The following VLDLR variants were observed in gnomAD, a reference collection of about 807,000 sequenced individuals.
The protein encoded by VLDLR is very low density lipoprotein receptor.
In VLDLR, 81 loss-of-function variants were observed where a neutral mutation model predicts 112.7. That is an observed-to-expected ratio of 0.72 (90% confidence interval 0.60 to 0.86). The LOEUF (loss-of-function observed/expected upper bound fraction) is 0.86, where lower values mean the gene tolerates loss of function less well. Ranked by LOEUF, VLDLR falls within the 40% of genes least tolerant of loss-of-function variation. The pLI is 0.00. For missense variants in VLDLR, 1,237 were observed against 1,099.4 expected (o/e 1.13, Z -1.77); for synonymous variants, 436 against 384.8 (o/e 1.13, Z -1.56).
rs928862689 is a variant in VLDLR at position 2,643,609 on chromosome 9, G to A, written c.821-19G>A. On this transcript the variant is annotated intron_variant, in intron 5 of 18. Transcript: ENST00000382100. ...GACAATTTGCTGGCTTCATTCCATG[G>A]TGTTTCCTCCCTTTGTAGCCTCTCG... The A allele has an allele frequency of 3.1e-6, 5 of 1,614,054 alleles. No individual in the cohort carries two copies. Among genetic ancestry groups the A allele is most frequent in the Admixed American group, 3.3e-5 (2 of 60,004 alleles).
intron 1 of VLDLR, among the ~76,000 whole-genome samples, chr9:2,624,402 G>T (rs1177143785): frequency 6.6e-6 from 1 of 152,172 alleles, no homozygotes; most frequent in Non-Finnish European, 1.5e-5. Flanking sequence ...ACATGGTGCT[G>T]TTCCACAATA....
chr9:2,652,584 G>A (rs747353698), intron 17 of VLDLR, among the ~76,000 whole-genome samples, 196 bp from the exon 18 acceptor site: 49 of 152,300 alleles, frequency 3.2e-4, no homozygotes, highest in Admixed American at 1.4e-3. Context: ...TCCAGCTCCA[G>A]TGCACAGAGC....
chr9:2,638,500 T>G (rs987780176), intron 2 of VLDLR, among the ~76,000 whole-genome samples: 3 of 152,102 alleles, frequency 2.0e-5, no homozygotes, highest in African/African-American at 7.3e-5. Context: ...AGAAATTGGG[T>G]AGAAGGTATA....
Position 2,622,134 on chromosome 9 carries a change from C to G in VLDLR, c.-56C>G, listed in dbSNP as rs34881325. 1 of 1,445,430 alleles carries G rather than the reference C, an allele frequency of 6.9e-7. No individual in the cohort carries two copies. The highest frequency in any genetic ancestry group is 1.3e-5 in the South Asian group (1 of 74,566). The allele number at this position is 1,445,430 out of a possible 1,614,324, so 89.5% of individuals were successfully genotyped here. A position where few individuals can be genotyped will look rare whatever the true frequency, so the allele number is the denominator to read the frequency against. ...CCTTTCGGAAGGACTGGTAACTTGT[C>G]GTGCGGAGCGAACGGCGGCGGCGGC... On this transcript the variant is annotated 5_prime_UTR_variant, in exon 1 of 19. Coordinates refer to ENST00000382100, the MANE Select transcript of VLDLR (RefSeq NM_003383.5).
rs141757226 is a variant in VLDLR at position 2,645,735 on chromosome 9, G to A, written c.1474G>A (p.Ala492Thr). 57 of 1,614,134 alleles carry A rather than the reference G, an allele frequency of 3.5e-5. No individual in the cohort carries two copies. In the African/African-American group the frequency reaches 6.9e-4, roughly 20 times the overall value. The change falls in exon 10 of 19, where the codon GCT becomes ACT. Residue 492 changes from alanine (A) to threonine (T), a missense_variant. Coordinates refer to ENST00000382100, the MANE Select transcript of VLDLR (RefSeq NM_003383.5). ...ATTCTGGGCCGATCTAAGCCAAAAGGCTATCTTCAGGTAACTTTCAGTTCC... is the reference window on the plus strand; with the variant it reads ...ATTCTGGGCCGATCTAAGCCAAAAGACTATCTTCAGGTAACTTTCAGTTCC... ...KLFWADLSQK[A>T]IFSASIDDKV...
chr9:2,630,784 A>G (rs1247045817), intron 1 of VLDLR, among the ~76,000 whole-genome samples: 1 of 152,196 alleles, frequency 6.6e-6, no homozygotes, highest in Non-Finnish European at 1.5e-5. Context: ...AATTTATGAA[A>G]GAGACCTCAA....
chr9:2,639,917 C>A lies in VLDLR; in HGVS notation c.261C>A (p.Ser87Arg). 1.2e-6 allele frequency: 2 copies of A among 1,614,172 alleles called. No homozygotes were observed. Among genetic ancestry groups the A allele is most frequent in the South Asian group, 2.2e-5 (2 of 91,088 alleles). ...FVCNNGQCVP[S>R]RWKCDGDPDC... ...GCAACAATGGCCAGTGTGTTCCCAG[C>A]CGATGGAAGTGTGATGGAGATCCTG... Residue 87 changes from serine to arginine, a missense_variant, in exon 3 of 19, where the codon AGC becomes AGA. Coordinates refer to ENST00000382100, the MANE Select transcript of VLDLR (RefSeq NM_003383.5).
chr9:2,650,387 G>C lies in VLDLR; in HGVS notation c.2122G>C (p.Glu708Gln), dbSNP rs910038811. The change falls in exon 15 of 19, where the codon GAA becomes CAA. Residue 708 changes from glutamate (E) to glutamine (Q), a missense_variant. Transcript: ENST00000382100. ...VQPSGKNWCEEDMENGGCEYL... is the reference protein window; with the variant it reads ...VQPSGKNWCEQDMENGGCEYL... Reference sequence around the variant, plus strand: ...CTGACTAGGTAAAAATTGGTGTGAAGAAGACATGGAGAATGGAGGATGTGA... The same window carrying C: ...CTGACTAGGTAAAAATTGGTGTGAACAAGACATGGAGAATGGAGGATGTGA... 3.1e-6 allele frequency: 5 copies of C among 1,613,920 alleles called. No individual in the cohort carries two copies. Among genetic ancestry groups the C allele is most frequent in the Non-Finnish European group, 4.2e-6 (5 of 1,180,012 alleles).
At position 2,634,608 on chromosome 9, in the gene VLDLR, T is replaced by C. The variant is rs564522107; in HGVS notation, c.83-845T>C. On this transcript the variant is annotated intron_variant, in intron 1 of 18. Coordinates refer to ENST00000382100, the MANE Select transcript of VLDLR (RefSeq NM_003383.5). ...CACCATTGTGTGAATTAAATATCCA[T>C]ACATTAAGCATAGAAAACCAGATTC... 3.3e-5 allele frequency among the ~76,000 whole-genome samples: 5 copies of C among 152,304 alleles called. No homozygotes were observed. The East Asian group carries it at 9.7e-4, about 29-fold the overall frequency.
At chr9:2,624,567 T>G (rs1343376177) in intron 1 of VLDLR, among the ~76,000 whole-genome samples, 1 of 152,226 alleles carries the variant, frequency 6.6e-6, no homozygotes, top group Non-Finnish European at 1.5e-5. Context: ...ATATATTCTT[T>G]AAGGCCAGAG....
chr9:2,629,489 A>G (rs1027331923), intron 1 of VLDLR, among the ~76,000 whole-genome samples: 1 of 152,242 alleles, frequency 6.6e-6, no homozygotes, highest in Non-Finnish European at 1.5e-5. Flanking sequence ...GCCCAGGGCA[A>G]TCTGGGACAA....
In VLDLR at chr9:2,625,440, A is replaced by C. The variant is rs531738022; in HGVS notation, c.82+3169A>C. ...AATGTAAATTTGTTCTTTTCAGTGC[A>C]GGGAAAAGTGTTTAAGACAAGGCAG... On this transcript the variant is annotated intron_variant, in intron 1 of 18. Coordinates refer to ENST00000382100, the MANE Select transcript of VLDLR (RefSeq NM_003383.5). Among the ~76,000 whole-genome samples the C allele has an allele frequency of 5.3e-5, 8 of 152,372 alleles. No individual in the cohort carries two copies. In the East Asian group the frequency reaches 1.3e-3, roughly 26 times the overall value.
chr9:2,656,552 A>G lies in VLDLR; in HGVS notation c.*2684A>G, dbSNP rs1365776090. 6.6e-6 allele frequency: 1 copy of G among 152,172 alleles called. No homozygotes were observed. The highest frequency in any genetic ancestry group is 1.5e-5 in the Non-Finnish European group (1 of 68,036). 9.4% of individuals were successfully genotyped at this position (152,172 alleles called of 1,614,324 possible). On this transcript the variant is annotated 3_prime_UTR_variant, in exon 19 of 19. Coordinates refer to ENST00000382100, the MANE Select transcript of VLDLR (RefSeq NM_003383.5). ...CCTCGGCTTTATCACCCAAAAAATAACTTGAATTCTATGTGAAATGTGTTA... is the reference window on the plus strand; with the variant it reads ...CCTCGGCTTTATCACCCAAAAAATAGCTTGAATTCTATGTGAAATGTGTTA...
At chr9:2,624,920 G>A (rs1168612200) in intron 1 of VLDLR, among the ~76,000 whole-genome samples, 2 of 152,182 alleles carry the variant, frequency 1.3e-5, no homozygotes, top group African/African-American at 2.4e-5. Flanking sequence ...ACTTTATGTG[G>A]CATTTACCTA....
intron 1 of VLDLR, among the ~76,000 whole-genome samples, chr9:2,628,705 C>G (rs961796470): frequency 2.0e-5 from 3 of 152,078 alleles, no homozygotes; most frequent in Non-Finnish European, 4.4e-5. Context: ...AGAATTTGGG[C>G]TCATTTCTGG....
Position 2,654,079 on chromosome 9 carries a change from T to G in VLDLR, c.*211T>G, listed in dbSNP as rs922954322. The G allele has an allele frequency of 1.9e-5, 11 of 565,066 alleles. No homozygotes were observed. Among genetic ancestry groups the G allele is most frequent in the African/African-American group, 1.9e-4 (10 of 52,920 alleles). The allele number at this position is 565,066 out of a possible 1,614,324, so 35.0% of individuals were successfully genotyped here. On this transcript the variant is annotated 3_prime_UTR_variant, in exon 19 of 19. Transcript: ENST00000382100. ...ATTCTACTTCAGCTTTGGATGTGGTTACCGAGTATCTGTAACCCTTGAATT... is the reference window on the plus strand; with the variant it reads ...ATTCTACTTCAGCTTTGGATGTGGTGACCGAGTATCTGTAACCCTTGAATT...
intron 9 of VLDLR, among the ~76,000 whole-genome samples, chr9:2,645,360 C>G (rs1240651246): frequency 6.6e-6 from 1 of 152,178 alleles, no homozygotes; most frequent in Non-Finnish European, 1.5e-5. Flanking sequence ...TTATTCATCA[C>G]TCACCCTGTT....
chr9:2,623,198 T>G (rs897352792), intron 1 of VLDLR, among the ~76,000 whole-genome samples: 4 of 152,202 alleles, frequency 2.6e-5, no homozygotes, highest in Admixed American at 1.3e-4. Flanking sequence ...CGGTGACTAC[T>G]GTCGGGTCCC....
intron 4 of VLDLR, among the ~76,000 whole-genome samples, chr9:2,642,567 G>T (rs1245127839): frequency 6.6e-6 from 1 of 152,198 alleles, no homozygotes; most frequent in Non-Finnish European, 1.5e-5. Flanking sequence ...TTGGCTAGTA[G>T]GACTAGCTTA....
Sources: gnomAD v4.1 joint callset for allele counts (sites outside exome capture counted in the v4.1 genomes callset) on GRCh38, gnomAD v4.1.1 for gene constraint, MANE v1.5 for transcripts, NCBI Gene and HGNC (gene_info 2026-07-23, HGNC 2026-07-21) for gene names.